The following UGT1A8 variants were observed in gnomAD, a reference collection of about 807,000 sequenced individuals.
UGT1A8 encodes UDP-glucuronosyltransferase 1A8.
Under a neutral mutation model 45.3 loss-of-function variants are expected in UGT1A8, and 39 were observed. That is an observed-to-expected ratio of 0.86 (90% CI 0.67 to 1.12). The LOEUF is 1.12. Among genes scored for constraint, UGT1A8 ranks in the 50% most tolerant of loss-of-function variants. The probability of loss-of-function intolerance (pLI) is 0.00; values close to 1 mark genes in which losing one functional copy is unlikely to be tolerated. For missense variants in UGT1A8, 719 were observed against 664.9 expected, an observed-to-expected ratio of 1.08 and a Z score of -0.90; for synonymous variants, 275 against 249.2, an observed-to-expected ratio of 1.10 and a Z score of -0.97.
chr2:233,713,335 C>T (rs770287319), intron 1 of UGT1A8: 88 of 1,614,020 alleles, frequency 5.5e-5, no homozygotes, highest in Non-Finnish European at 7.0e-5. Context: ...AGAAGAATGG[C>T]AATTATGAAC....
At position 233,743,541 on chromosome 2, in the gene UGT1A8, A is replaced by AC. The variant is rs544018510; in HGVS notation, c.856-23486dup. On this transcript the variant is annotated intron_variant, in intron 1 of 4. Coordinates refer to ENST00000373450, the MANE Select transcript of UGT1A8 (RefSeq NM_019076.5). ...TTCTGCTTCCCCAGCAGTTCCTCTG[A>AC]CCCCCCCAAAATATTCTCCAGCGGG... 1.1e-3 allele frequency: 1,461 copies of AC among 1,366,810 alleles called. 41 individuals carry two copies. The African/African-American group carries it at 0.017, about 16-fold the overall frequency. The allele number at this position is 1,366,810 out of a possible 1,614,324, so 84.7% of individuals were successfully genotyped here. A position where few individuals can be genotyped will look rare whatever the true frequency, so the allele number is the denominator to read the frequency against.
Position 233,756,099 on chromosome 2 carries a change from C to T in UGT1A8, c.856-10935C>T, listed in dbSNP as rs117664856. ...ATGAGAAAATCAAGTAACATTATTACGGAAATAGTTTTGACTTTGTAAAAT... is the reference window on the plus strand; with the variant it reads ...ATGAGAAAATCAAGTAACATTATTATGGAAATAGTTTTGACTTTGTAAAAT... On this transcript the variant is annotated intron_variant, in intron 1 of 4. Coordinates refer to ENST00000373450, the MANE Select transcript of UGT1A8 (RefSeq NM_019076.5). 23 of 152,310 alleles carry T rather than the reference C, an allele frequency of 1.5e-4. 1 individual carries two copies. In the East Asian group the frequency reaches 4.0e-3, roughly 27 times the overall value. 9.4% of individuals were successfully genotyped at this position (152,310 alleles called of 1,614,324 possible). A position where few individuals can be genotyped will look rare whatever the true frequency, so the allele number is the denominator to read the frequency against.
At chr2:233,675,526 C>T (rs932255711) in intron 1 of UGT1A8, among the ~76,000 whole-genome samples, 1 of 152,212 alleles carries the variant, frequency 6.6e-6, no homozygotes, top group East Asian at 1.9e-4. Flanking sequence ...ATCTGTGCTT[C>T]CCCCCTTGCT....
At chr2:233,691,107 A>G (rs2075029102) in intron 1 of UGT1A8, 1 of 985,930 alleles carries the variant, frequency 1.0e-6, no homozygotes, top group African/African-American at 1.7e-5. Flanking sequence ...CGCTATTCCT[A>G]CATGCTTGCT....
chr2:233,628,679 G>A (rs748105317), intron 1 of UGT1A8, among the ~76,000 whole-genome samples: 3 of 152,046 alleles, frequency 2.0e-5, no homozygotes, highest in African/African-American at 7.2e-5. Flanking sequence ...CCCTGTCCTC[G>A]GCATGTGTTT....
At chr2:233,762,868 G>A (rs998975258) in intron 1 of UGT1A8, among the ~76,000 whole-genome samples, 2 of 151,940 alleles carry the variant, frequency 1.3e-5, no homozygotes, top group Non-Finnish European at 2.9e-5. Context: ...AGAAATTTTG[G>A]TTTCTTCTCT....
rs1450020479 is a variant in UGT1A8, at chr2:233,719,077, A to G, written c.856-47957A>G. ...ACAGCCTATGCTGTTCCATGGACCC[A>G]GAAGGAATTTGATCGCGTTACGCTG... On this transcript the variant is annotated intron_variant, in intron 1 of 4. Transcript: ENST00000373450. The G allele has an allele frequency of 3.3e-5, 54 of 1,614,166 alleles. No individual in the cohort carries two copies. The highest frequency in any genetic ancestry group is 4.4e-5 in the Non-Finnish European group (52 of 1,180,062).
intron 1 of UGT1A8, among the ~76,000 whole-genome samples, chr2:233,724,344 C>CA (rs2077230286): frequency 1.4e-5 from 2 of 144,986 alleles, no homozygotes; most frequent in East Asian, 2.2e-4. Context: ...GGGCTGACCC[C>CA]CCCCACCTCC....
chr2:233,718,192 C>T (rs1341668137), intron 1 of UGT1A8, among the ~76,000 whole-genome samples: 5 of 152,272 alleles, frequency 3.3e-5, no homozygotes, highest in South Asian at 2.1e-4. Flanking sequence ...TCAGCCTCCC[C>T]GGAGCTTTTT....
Position 233,769,463 on chromosome 2 carries a change from G to A in UGT1A8, c.1295+1024G>A. On this transcript the variant is annotated intron_variant, in intron 4 of 4. Coordinates refer to ENST00000373450, the MANE Select transcript of UGT1A8 (RefSeq NM_019076.5). The surrounding 1 kb of genome is among the most constrained non-coding windows in gnomAD (Gnocchi z 4.4). Reference sequence around the variant, plus strand: ...TGGGTGCACACGTGTGCATTCATATGCGTGTGTGTGTGTGTGCGTGTGTTT... The same window carrying A: ...TGGGTGCACACGTGTGCATTCATATACGTGTGTGTGTGTGTGCGTGTGTTT... 6.3e-7 allele frequency: 1 copy of A among 1,598,098 alleles called. No homozygotes were observed. The highest frequency in any genetic ancestry group is 8.6e-7 in the Non-Finnish European group (1 of 1,168,000).
chr2:233,732,301 C>A (rs2078258261), intron 1 of UGT1A8, among the ~76,000 whole-genome samples: 1 of 152,184 alleles, frequency 6.6e-6, no homozygotes, highest in South Asian at 2.1e-4. Flanking sequence ...TTAATTAGAT[C>A]CCATTTGTCT....
At chr2:233,764,983 T>A (rs1575807741) in intron 1 of UGT1A8, among the ~76,000 whole-genome samples, 1 of 152,200 alleles carries the variant, frequency 6.6e-6, no homozygotes, top group East Asian at 1.9e-4. Flanking sequence ...GGTCAGTGTC[T>A]GGGGCTTTCC....
intron 1 of UGT1A8, among the ~76,000 whole-genome samples, chr2:233,640,479 T>A (rs1049796080): frequency 9.8e-5 from 15 of 152,290 alleles, no homozygotes; most frequent in African/African-American, 2.6e-4. Context: ...TATTATCTCA[T>A]TTCTAGCCCA....
At chr2:233,721,716 GT>G (rs1452034335) in intron 1 of UGT1A8, 1 of 386,646 alleles carries the variant, frequency 2.6e-6, no homozygotes, top group African/African-American at 2.1e-5. Context: ...TGGATGCTTT[GT>G]TTACTTGGAT....
At position 233,618,443 on chromosome 2, in the gene UGT1A8, A is replaced by G. The variant is rs2072943446; in HGVS notation, c.736A>G (p.Ser246Gly). Residue 246 changes from serine (S) to glycine (G), a missense_variant, in exon 1 of 5, where the codon AGC becomes GGC. By Grantham distance (56) the Ser-to-Gly change is moderately conservative (BLOSUM62 0). Coordinates refer to ENST00000373450, the MANE Select transcript of UGT1A8 (RefSeq NM_019076.5). ...QTPVTAYDLY[S>G]HTSIWLLRTD... Reference sequence around the variant, plus strand: ...ACCTGTCACAGCATATGATCTCTACAGCCACACATCAATTTGGTTGTTGCG... The same window carrying G: ...ACCTGTCACAGCATATGATCTCTACGGCCACACATCAATTTGGTTGTTGCG... 1 of 1,613,794 alleles carries G rather than the reference A, an allele frequency of 6.2e-7. No homozygotes were observed. The highest frequency in any genetic ancestry group is 1.7e-5 in the Admixed American group (1 of 59,994).
intron 1 of UGT1A8, among the ~76,000 whole-genome samples, chr2:233,756,690 C>T (rs1266086020): frequency 6.6e-6 from 1 of 152,102 alleles, no homozygotes; most frequent in Non-Finnish European, 1.5e-5. Flanking sequence ...TATATAATGA[C>T]GATGAATTTT....
At chr2:233,727,536 T>C (rs2077625396) in intron 1 of UGT1A8, among the ~76,000 whole-genome samples, 1 of 152,154 alleles carries the variant, frequency 6.6e-6, no homozygotes, top group East Asian at 1.9e-4. Context: ...ACCAGGCGTG[T>C]TCCACCCGTC....
chr2:233,618,619 A>T (rs1348489682), intron 1 of UGT1A8, 57 bp downstream of exon 1: 3 of 1,543,906 alleles, frequency 1.9e-6, no homozygotes, highest in Non-Finnish European at 2.6e-6. Context: ...AATTAAAAAA[A>T]GATTCCTTAC....
chr2:233,736,686 T>C (rs2078793378), intron 1 of UGT1A8, among the ~76,000 whole-genome samples: 1 of 152,252 alleles, frequency 6.6e-6, no homozygotes, highest in Admixed American at 6.5e-5. Context: ...GTTGGTGACC[T>C]ACAGATGGGG....
Sources: gnomAD v4.1 joint callset for allele counts (sites outside exome capture counted in the v4.1 genomes callset) on GRCh38, gnomAD v4.1.1 for gene constraint, Gnocchi (gnomAD v3.1) non-coding constraint, MANE v1.5 for transcripts, NCBI Gene and HGNC (gene_info 2026-07-23, HGNC 2026-07-21) for gene names.